The following DNM2 variants were observed in gnomAD, a reference collection of about 807,000 sequenced individuals.
The protein encoded by DNM2 is dynamin-2.
In DNM2, 15 loss-of-function variants were observed where a neutral mutation model predicts 99.0. The observed-to-expected ratio is 0.15, with a 90% CI of 0.10 to 0.23. The LOEUF (loss-of-function observed/expected upper bound fraction) is 0.23. DNM2 is among the 10% of genes least tolerant of loss of function. The probability of loss-of-function intolerance (pLI) is 1.00; values close to 1 mark genes in which losing one functional copy is unlikely to be tolerated. For missense variants in DNM2, 742 were observed against 1,189.4 expected (o/e 0.62, Z 5.53); for synonymous variants, 525 against 481.2 (o/e 1.09, Z -1.19).
At chr19:10,737,299 C>A (rs771895592) in intron 1 of DNM2, among the ~76,000 whole-genome samples, 3 of 152,074 alleles carry the variant, frequency 2.0e-5, no homozygotes, top group Non-Finnish European at 2.9e-5. Flanking sequence ...ACTGCCCTTC[C>A]CCCAGATAAC....
intron 13 of DNM2, among the ~76,000 whole-genome samples, chr19:10,807,648 G>T (rs931405236): frequency 7.1e-6 from 1 of 140,258 alleles, no homozygotes; most frequent in East Asian, 2.1e-4. Flanking sequence ...TCCTAGCTTC[G>T]TGTGATTCTC....
chr19:10,758,236 T>A (rs1388860797), intron 1 of DNM2, among the ~76,000 whole-genome samples: 1 of 151,926 alleles, frequency 6.6e-6, no homozygotes, highest in Admixed American at 6.6e-5. Flanking sequence ...GACATGGAAT[T>A]GATTCCTTTC....
At chr19:10,821,102 T>A (rs937332406) in intron 16 of DNM2, among the ~76,000 whole-genome samples, 1 of 152,092 alleles carries the variant, frequency 6.6e-6, no homozygotes, top group Non-Finnish European at 1.5e-5. Flanking sequence ...CCTTGCCTAC[T>A]GCTTGGCTAC....
chr19:10,733,881 G>A (rs1243526542), intron 1 of DNM2, among the ~76,000 whole-genome samples: 1 of 151,838 alleles, frequency 6.6e-6, no homozygotes, highest in Non-Finnish European at 1.5e-5. Context: ...GGGGACATGT[G>A]CCTGTAGTCC....
At chr19:10,826,468 C>T (rs1242295377) in intron 18 of DNM2, among the ~76,000 whole-genome samples, 2 of 152,252 alleles carry the variant, frequency 1.3e-5, no homozygotes, top group African/African-American at 4.8e-5. Context: ...ACTCTCAGGG[C>T]TCTGGGCTCC....
intron 14 of DNM2, chr19:10,808,946 A>G (rs1406050816): frequency 4.6e-5 from 11 of 237,848 alleles, no homozygotes. Flanking sequence ...CATTCTTGGC[A>G]CTGCCCCTCC....
At chr19:10,776,594 G>A (rs1406274217) in intron 4 of DNM2, among the ~76,000 whole-genome samples, 2 of 152,204 alleles carry the variant, frequency 1.3e-5, no homozygotes, top group Non-Finnish European at 2.9e-5. Context: ...GGGAGCAGTT[G>A]ATCTGCAGAG....
At position 10,765,736 on chromosome 19, in the gene DNM2, G is replaced by A. The variant is rs573206846; in HGVS notation, c.235+5925G>A. 1.4e-4 allele frequency among the ~76,000 whole-genome samples: 21 copies of A among 152,282 alleles called. No individual in the cohort carries two copies. The highest frequency in any genetic ancestry group is 7.8e-4 in the Admixed American group (12 of 15,296). On this transcript the variant is annotated intron_variant, in intron 2 of 20. Coordinates refer to ENST00000389253, the MANE Select transcript of DNM2 (RefSeq NM_001005361.3). This position sits in a 1 kb window ranked among gnomAD's most constrained non-coding sequence, Gnocchi z 4.4. ...GCATGAGTGGATCCTGCCTGCTGGCGTGGTAGCTAGGGTCTCCTGATGGTG... is the reference window on the plus strand; with the variant it reads ...GCATGAGTGGATCCTGCCTGCTGGCATGGTAGCTAGGGTCTCCTGATGGTG...
Position 10,798,544 on chromosome 19 carries a change from G to A in DNM2, c.1394G>A (p.Arg465Gln), listed in dbSNP as rs1394118711. The A allele has an allele frequency of 1.9e-6, 3 of 1,614,194 alleles. No individual in the cohort carries two copies. The highest frequency in any genetic ancestry group is 1.1e-5 in the South Asian group (1 of 91,086). ...GAGCGAATCGTCACCACTTACATCC[G>A]GGAACGGGAGGGGAGAACGAAGGAC... ...ETERIVTTYI[R>Q]EREGRTKDQI... The change falls in exon 11 of 21, where the codon CGG (arginine) becomes CAG (glutamine). Residue 465 changes from arginine to glutamine, a missense_variant. Around this residue, in one of 7 missense-constraint regions of DNM2, gnomAD observed 240 missense variants for 431.3 expected, o/e 0.56. Transcript: ENST00000389253.
intron 12 of DNM2, among the ~76,000 whole-genome samples, chr19:10,805,242 T>G (rs544475111): frequency 3.3e-5 from 5 of 152,324 alleles, no homozygotes; most frequent in Admixed American, 2.6e-4. Context: ...ATATGTGTCA[T>G]TTCATGACCA....
chr19:10,742,550 T>C (rs994536248), intron 1 of DNM2, among the ~76,000 whole-genome samples: 4 of 152,196 alleles, frequency 2.6e-5, no homozygotes, highest in African/African-American at 9.6e-5. Flanking sequence ...AGGCTGTGGC[T>C]GAGCTGCCAG....
chr19:10,788,091 G>A (rs1266323601), intron 7 of DNM2, among the ~76,000 whole-genome samples: 1 of 152,028 alleles, frequency 6.6e-6, no homozygotes, highest in Non-Finnish European at 1.5e-5. Context: ...AAATTAGCCA[G>A]GTGTGGTGGC....
intron 1 of DNM2, among the ~76,000 whole-genome samples, chr19:10,742,369 A>T (rs1472146162): frequency 5.3e-5 from 8 of 151,704 alleles, no homozygotes; most frequent in Non-Finnish European, 7.4e-5. Flanking sequence ...CTTCACTCCC[A>T]CCCCCGTCAC....
chr19:10,823,572 C>T lies in DNM2; in HGVS notation c.1782-216C>T, dbSNP rs558956409. On this transcript the variant is annotated intron_variant, in intron 16 of 20. Coordinates refer to ENST00000389253, the MANE Select transcript of DNM2 (RefSeq NM_001005361.3). The stretch of plus-strand genomic sequence containing the variant: ...AAAAGAGAAGAGTCAGCTGATCCAA[C>T]AGAAACAAAGAAACTCAGACACTTG... The T allele has an allele frequency of 3.4e-4, 191 of 569,528 alleles. 2 individuals are homozygous for T. Among genetic ancestry groups the T allele is most frequent in the South Asian group, 1.7e-3 (84 of 48,968 alleles). 35.3% of individuals were successfully genotyped at this position (569,528 alleles called of 1,614,324 possible).
chr19:10,769,413 G>A (rs1411762987), intron 2 of DNM2: 1 of 152,670 alleles, frequency 6.6e-6, no homozygotes, highest in Non-Finnish European at 1.5e-5. Flanking sequence ...TCCTGGGAGA[G>A]GTGGTAGCCA....
rs1435260131 is a variant in DNM2 at position 10,830,536 on chromosome 19, A to G, written c.2543+158A>G. 2.3e-6 allele frequency: 2 copies of G among 872,756 alleles called. No individual in the cohort carries two copies. The highest frequency in any genetic ancestry group is 3.5e-6 in the Non-Finnish European group (2 of 578,646). The allele number at this position is 872,756 out of a possible 1,614,324, so 54.1% of individuals were successfully genotyped here. A position where few individuals can be genotyped will look rare whatever the true frequency, so the allele number is the denominator to read the frequency against. On this transcript the variant is annotated intron_variant, in intron 20 of 20. Coordinates refer to ENST00000389253, the MANE Select transcript of DNM2 (RefSeq NM_001005361.3). The surrounding 1 kb of genome is among the most constrained non-coding windows in gnomAD (Gnocchi z 4.8). ...GGCTTGCGAGGAAACAGGCCCAGAGAGGCCAAGAGGCTTGTTCAGTGTCAC... is the reference window on the plus strand; with the variant it reads ...GGCTTGCGAGGAAACAGGCCCAGAGGGGCCAAGAGGCTTGTTCAGTGTCAC...
chr19:10,745,243 G>C (rs879565027), intron 1 of DNM2, among the ~76,000 whole-genome samples: 4 of 152,184 alleles, frequency 2.6e-5, no homozygotes, highest in African/African-American at 7.2e-5. Context: ...CCCCGGACTA[G>C]CTCCCAAGAT....
intron 2 of DNM2, 64 bp downstream of exon 2, chr19:10,759,875 C>A: frequency 6.2e-7 from 1 of 1,603,970 alleles, no homozygotes; most frequent in South Asian, 1.1e-5. Flanking sequence ...CCAGGAGTTG[C>A]TGGGGGCGGA....
At chr19:10,769,135 C>T (rs567337728) in intron 2 of DNM2, among the ~76,000 whole-genome samples, 2 of 152,312 alleles carry the variant, frequency 1.3e-5, no homozygotes, top group Admixed American at 6.5e-5. Flanking sequence ...GCTGCTCAGA[C>T]CGTAGCTGTG....
Sources: gnomAD v4.1 joint callset for allele counts (sites outside exome capture counted in the v4.1 genomes callset) on GRCh38, gnomAD v4.1.1 for gene constraint, gnomAD v4.1.1 regional missense constraint, Gnocchi (gnomAD v3.1) non-coding constraint, MANE v1.5 for transcripts, NCBI Gene and HGNC (gene_info 2026-07-23, HGNC 2026-07-21) for gene names.